Variants in ATP13A1 observed in about 807,000 individuals in gnomAD.
ATP13A1 encodes the protein endoplasmic reticulum transmembrane helix translocase.
A neutral mutation model predicts 134.8 loss-of-function variants in ATP13A1; 55 were observed. That is an observed-to-expected ratio of 0.41 (90% CI 0.33 to 0.51). The LOEUF is 0.51. Ranked by LOEUF, ATP13A1 falls within the 20% of genes least tolerant of loss-of-function variation. ATP13A1 has a pLI of 0.29. For synonymous variants in ATP13A1, 775 were observed against 725.1 expected, an observed-to-expected ratio of 1.07 and a Z score of -1.10; for missense variants, 1,389 against 1,652.8, an observed-to-expected ratio of 0.84 and a Z score of 2.77.
chr19:19,645,580 C>A lies in ATP13A1; in HGVS notation c.3505-48G>T. 1.3e-6 allele frequency: 2 copies of A among 1,563,676 alleles called. No homozygotes were observed. Among genetic ancestry groups the A allele is most frequent in the Non-Finnish European group, 1.7e-6 (2 of 1,154,160 alleles). On this transcript the variant is annotated intron_variant, in intron 25 of 25. Transcript: ENST00000357324. This position sits in a 1 kb window ranked among gnomAD's most constrained non-coding sequence, Gnocchi z 4.1. ...TGAGCTGGAGACCTGCAGCCCAGCTCAGGGTCACTGCCATAGGAGGGACCC... is the reference window on the plus strand; with the variant it reads ...TGAGCTGGAGACCTGCAGCCCAGCTAAGGGTCACTGCCATAGGAGGGACCC...
chr19:19,661,947 A>T lies in ATP13A1; in HGVS notation c.396+1324T>A. On this transcript the variant is annotated intron_variant, in intron 1 of 25. Transcript: ENST00000357324. Reference sequence around the variant, plus strand: ...GCCCCAGGGCGGGCACTCTGCAGATATCATCTCCGCTTCTCAAGATGGCAC... The same window carrying T: ...GCCCCAGGGCGGGCACTCTGCAGATTTCATCTCCGCTTCTCAAGATGGCAC... 3.1e-6 allele frequency: 4 copies of T among 1,310,430 alleles called. No homozygotes were observed. The South Asian group carries it at 4.1e-5, about 13-fold the overall frequency. 81.2% of individuals were successfully genotyped at this position (1,310,430 alleles called of 1,614,324 possible). A position where few individuals can be genotyped will look rare whatever the true frequency, so the allele number is the denominator to read the frequency against.
In ATP13A1 at chr19:19,656,854, G is replaced by C. The variant is rs896646336; in HGVS notation, c.969C>G (p.Val323=). 26 of 1,612,472 alleles carry C rather than the reference G, an allele frequency of 1.6e-5. No individual in the cohort carries two copies. The highest frequency in any genetic ancestry group is 2.5e-6 in the Non-Finnish European group (3 of 1,179,426). The part of the protein sequence containing the change: ...ASDEIVPGDI[V]SIGRSPQENL... ...AGCGGAACCCGGCCTCACCGATGGAGACGATGTCCCCTGGTACGATCTCAT... is the reference window on the plus strand; with the variant it reads ...AGCGGAACCCGGCCTCACCGATGGACACGATGTCCCCTGGTACGATCTCAT... Residue 323 remains valine, a synonymous_variant, in exon 6 of 26, where the codon GTC becomes GTG. Transcript: ENST00000357324. The surrounding 1 kb of genome is among the most constrained non-coding windows in gnomAD (Gnocchi z 4.6).
rs1376397487 is a variant in ATP13A1 at position 19,663,349 on chromosome 19, G to A, written c.318C>T (p.Thr106=). 1.9e-6 allele frequency: 3 copies of A among 1,593,452 alleles called. No homozygotes were observed. The Admixed American group carries it at 5.3e-5, about 28-fold the overall frequency. ...CAGTGAGCGCGTGCGCGAGGCAGAT[G>A]GTGGCAAGCACGAGCAGCGCAGCTT... The part of the protein sequence containing the change: ...IPEAALLVLA[T]ICLAHALTVL... The change falls in exon 1 of 26, where the codon ACC becomes ACT. Residue 106 remains threonine (T), a synonymous_variant. Coordinates refer to ENST00000357324, the MANE Select transcript of ATP13A1 (RefSeq NM_020410.3).
chr19:19,657,245 C>T, intron 4 of ATP13A1, 91 bp downstream of exon 4: 1 of 1,493,242 alleles, frequency 6.7e-7, no homozygotes, highest in South Asian at 1.3e-5. Flanking sequence ...TGGGGAGAGG[C>T]TTCCAGGTTT....
At chr19:19,649,009 C>A (rs2062006581) in intron 19 of ATP13A1, among the ~76,000 whole-genome samples, 1 of 151,910 alleles carries the variant, frequency 6.6e-6, no homozygotes, top group East Asian at 1.9e-4. Context: ...GTAATCCCAG[C>A]TATTTGGGAG....
rs1411863209 is a variant in ATP13A1 at position 19,655,855 on chromosome 19, C to T, written c.1269+23G>A. 3 of 1,567,750 alleles carry T rather than the reference C, an allele frequency of 1.9e-6. No individual in the cohort carries two copies. The highest frequency in any genetic ancestry group is 2.6e-6 in the Non-Finnish European group (3 of 1,162,428). The stretch of plus-strand genomic sequence containing the variant: ...GCTGTCCAACTGCCCTGGGGCCCGC[C>T]CTCCCCAGACCTGGCCCCGCACCTG... On this transcript the variant is annotated intron_variant, in intron 9 of 25. Transcript: ENST00000357324. The surrounding 1 kb of genome is among the most constrained non-coding windows in gnomAD (Gnocchi z 5.7).
rs1010101326 is a variant in ATP13A1, at chr19:19,655,357, G to A, written c.1493C>T (p.Ser498Phe). 6.2e-7 allele frequency: 1 copy of A among 1,614,010 alleles called. No individual in the cohort carries two copies. The highest frequency in any genetic ancestry group is 8.5e-7 in the Non-Finnish European group (1 of 1,179,890). Residue 498 changes from serine (S) to phenylalanine (F), a missense_variant, in exon 11 of 26, where the codon TCC becomes TTC. Physicochemically the swap from Ser to Phe is radical, Grantham distance 155. Coordinates refer to ENST00000357324, the MANE Select transcript of ATP13A1 (RefSeq NM_020410.3). The surrounding 1 kb of genome is among the most constrained non-coding windows in gnomAD (Gnocchi z 5.7). ...VVPPELPIEL[S>F]LAVNTSLIAL... ...GATGAGGGAGGTGTTGACGGCCAGG[G>A]ACAGCTCGATGGGCAGCTCAGGAGG... is the stretch of plus-strand genomic sequence containing the variant.
At chr19:19,646,488 A>G (rs2061986829) in intron 22 of ATP13A1, 141 bp from the exon 23 acceptor site, 6 of 1,008,378 alleles carry the variant, frequency 6.0e-6, no homozygotes, top group South Asian at 1.6e-5. Context: ...TCCATGGGTC[A>G]GCACCAGTCC....
chr19:19,649,026 G>T (rs899648483), intron 19 of ATP13A1, among the ~76,000 whole-genome samples: 5 of 151,956 alleles, frequency 3.3e-5, no homozygotes, highest in Non-Finnish European at 7.4e-5. Flanking sequence ...GGAGGCTGAG[G>T]CAGGAGAATC....
rs746158416 is a variant in ATP13A1 at position 19,654,124 on chromosome 19, T to G, written c.1834A>C (p.Ser612Arg). Residue 612 changes from serine to arginine, a missense_variant, in exon 14 of 26, where the codon AGT becomes CGT. Transcript: ENST00000357324. Reference protein sequence around the residue: ...LTKDEKVFPRSIKTQGLKIHQ... With the variant: ...LTKDEKVFPRRIKTQGLKIHQ... ...ATTTTCAGCCCCTGAGTTTTAATAC[T>G]TCGGGGGAATACTTTCTCATCTGGA... 1.9e-6 allele frequency: 3 copies of G among 1,589,176 alleles called. No homozygotes were observed. In the South Asian group the frequency reaches 3.4e-5, roughly 18 times the overall value.
At chr19:19,663,016 T>A in intron 1 of ATP13A1, 1 of 685,138 alleles carries the variant, frequency 1.5e-6, no homozygotes. Flanking sequence ...CTTTTACAAG[T>A]ATTACATCAC....
Position 19,645,771 on chromosome 19 carries a change from C to T in ATP13A1, c.3380G>A (p.Ser1127Asn), listed in dbSNP as rs768617691. The T allele has an allele frequency of 3.1e-6, 5 of 1,610,130 alleles. No individual in the cohort carries two copies. Among genetic ancestry groups the T allele is most frequent in the Non-Finnish European group, 4.2e-6 (5 of 1,178,468 alleles). The change falls in exon 25 of 26, where the codon AGC (serine) becomes AAC (asparagine). Residue 1127 changes from serine (S) to asparagine (N), a missense_variant. Physicochemically the swap from Ser to Asn is conservative, Grantham distance 46. This residue lies in a region of ATP13A1 where 228 missense variants were observed against 321.0 expected (regional missense o/e 0.71). Transcript: ENST00000357324. This position sits in a 1 kb window ranked among gnomAD's most constrained non-coding sequence, Gnocchi z 4.1. ...CACCAGGGGCTTGTTCTCGGGCAGG[C>T]TCTCCATGAAGGGCGGGCCCTGTGG... Reference protein sequence around the residue: ...INYKGPPFMESLPENKPLVWS... With the variant: ...INYKGPPFMENLPENKPLVWS...
chr19:19,656,966 C>T lies in ATP13A1; in HGVS notation c.906+28G>A, dbSNP rs546579914. 6.2e-7 allele frequency: 1 copy of T among 1,604,126 alleles called. No individual in the cohort carries two copies. The highest frequency in any genetic ancestry group is 1.3e-5 in the African/African-American group (1 of 74,662). On this transcript the variant is annotated intron_variant, in intron 5 of 25. Transcript: ENST00000357324. The surrounding 1 kb of genome is among the most constrained non-coding windows in gnomAD (Gnocchi z 4.6). Reference sequence around the variant, plus strand: ...CAGAAGCCGCACCTGTGCTGCACCCCCAACCTGGGTCTCCCTGGCAGCCAC... The same window carrying T: ...CAGAAGCCGCACCTGTGCTGCACCCTCAACCTGGGTCTCCCTGGCAGCCAC...
At chr19:19,652,178 C>T (rs2062028545) in intron 16 of ATP13A1, among the ~76,000 whole-genome samples, 1 of 152,088 alleles carries the variant, frequency 6.6e-6, no homozygotes, top group South Asian at 2.1e-4. Context: ...GAGCCATCAT[C>T]CTCTGAGACG....
In ATP13A1 at chr19:19,646,260, G is replaced by A. The variant is rs1202640117; in HGVS notation, c.3193C>T (p.His1065Tyr). The change falls in exon 23 of 26, where the codon CAC becomes TAC. Residue 1065 changes from histidine (H) to tyrosine (Y), a missense_variant. By Grantham distance (83) the His-to-Tyr change is moderately conservative. This residue lies in a region of ATP13A1 where 228 missense variants were observed against 321.0 expected (regional missense o/e 0.71). Coordinates refer to ENST00000357324, the MANE Select transcript of ATP13A1 (RefSeq NM_020410.3). Reference sequence around the variant, plus strand: ...TACAGGTAGACAAGGCTCAGGAAGTGCACAAAGAACTGGAGCATGACGGTG... The same window carrying A: ...TACAGGTAGACAAGGCTCAGGAAGTACACAAAGAACTGGAGCATGACGGTG... ...ILTVMLQFFV[H>Y]FLSLVYLYRE... is the part of the protein sequence containing the mutation. The A allele has an allele frequency of 1.9e-6, 3 of 1,614,008 alleles. No homozygotes were observed. The highest frequency in any genetic ancestry group is 2.5e-6 in the Non-Finnish European group (3 of 1,179,882).
In ATP13A1 at chr19:19,651,779, C is replaced by T. The variant is rs1460323992; in HGVS notation, c.2245G>A (p.Asp749Asn). ...ASHRVVMITG[D>N]NPLTACHVAQ... Reference sequence around the variant, plus strand: ...ACGTGGCATGCAGTGAGCGGGTTGTCTCCCGTGATCATGACCACCTTGGGT... The same window carrying T: ...ACGTGGCATGCAGTGAGCGGGTTGTTTCCCGTGATCATGACCACCTTGGGT... The change falls in exon 17 of 26, where the codon GAC (aspartate) becomes AAC (asparagine). Residue 749 changes from aspartate to asparagine, a missense_variant. This residue lies in a region of ATP13A1 where 747 missense variants were observed against 956.1 expected (regional missense o/e 0.78). Transcript: ENST00000357324. 6.2e-7 allele frequency: 1 copy of T among 1,612,862 alleles called. No homozygotes were observed. Among genetic ancestry groups the T allele is most frequent in the South Asian group, 1.1e-5 (1 of 90,904 alleles).
At chr19:19,652,524 A>C in intron 16 of ATP13A1, 71 bp downstream of exon 16, 1 of 1,526,808 alleles carries the variant, frequency 6.5e-7, no homozygotes, top group Non-Finnish European at 8.8e-7. Context: ...CACCCCTACC[A>C]CGAAGCTGTA....
chr19:19,652,286 C>T (rs937872088), intron 16 of ATP13A1, among the ~76,000 whole-genome samples: 4 of 152,170 alleles, frequency 2.6e-5, no homozygotes, highest in Non-Finnish European at 5.9e-5. Context: ...GTGCCCCCCA[C>T]CCAACTCCCC....
At position 19,647,328 on chromosome 19, in the gene ATP13A1, G is replaced by A; in HGVS notation, c.2909-3C>T. 1.2e-6 allele frequency: 2 copies of A among 1,612,092 alleles called. No individual in the cohort carries two copies. Among genetic ancestry groups the A allele is most frequent in the Non-Finnish European group, 1.7e-6 (2 of 1,179,274 alleles). ...GCCCTGCTTGATCACGTGGCAGACT[G>A]CAGGGTGGTGGGGAGGCAGGTGTGG... is the stretch of plus-strand genomic sequence containing the variant. On this transcript the variant is annotated splice_polypyrimidine_tract_variant and splice_region_variant and intron_variant, in intron 21 of 25. Transcript: ENST00000357324. The surrounding 1 kb of genome is among the most constrained non-coding windows in gnomAD (Gnocchi z 4.8).
Sources: allele counts gnomAD v4.1 joint callset (sites outside exome capture counted in the v4.1 genomes callset), GRCh38; gene constraint gnomAD v4.1.1; regional missense constraint gnomAD v4.1.1; non-coding constraint Gnocchi (gnomAD v3.1); transcripts MANE v1.5; gene names NCBI Gene and HGNC (gene_info 2026-07-23, HGNC 2026-07-21).